The following RAP1GAP2 variants were observed in gnomAD, a reference collection of about 807,000 sequenced individuals.
The protein encoded by RAP1GAP2 is rap1 GTPase-activating protein 2.
RAP1GAP2 carries 27 observed loss-of-function variants against 95.0 expected under a neutral mutation model. The observed-to-expected ratio is 0.28, with a 90% CI of 0.21 to 0.39. RAP1GAP2 has a LOEUF of 0.39. Ranked by LOEUF, RAP1GAP2 falls within the 10% of genes least tolerant of loss-of-function variation. RAP1GAP2 has a pLI of 1.00. For synonymous variants in RAP1GAP2, 373 were observed against 380.9 expected (o/e 0.98, Z 0.24); for missense variants, 771 against 970.0 (o/e 0.79, Z 2.72).
intron 19 of RAP1GAP2, among the ~76,000 whole-genome samples, chr17:3,022,706 T>C (rs944834249): frequency 6.6e-6 from 1 of 152,242 alleles, no homozygotes; most frequent in African/African-American, 2.4e-5. Flanking sequence ...GTTGATTGTT[T>C]CCTTTGGTGT....
At chr17:2,832,498 C>T (rs534585488) in intron 2 of RAP1GAP2, among the ~76,000 whole-genome samples, 27 of 143,028 alleles carry the variant, frequency 1.9e-4, no homozygotes, top group Non-Finnish European at 3.1e-4. Flanking sequence ...GTGGAGGTTG[C>T]AGTGAGCCGA....
intron 2 of RAP1GAP2, among the ~76,000 whole-genome samples, chr17:2,872,901 C>T (rs1055737105): frequency 5.9e-5 from 9 of 151,920 alleles, no homozygotes; most frequent in African/African-American, 1.9e-4. Context: ...TGGGCTCAAG[C>T]GATCCTCCAA....
intron 3 of RAP1GAP2, among the ~76,000 whole-genome samples, chr17:2,945,165 G>A (rs1304593313): frequency 2.0e-5 from 3 of 152,184 alleles, no homozygotes; most frequent in Non-Finnish European, 4.4e-5. Flanking sequence ...GTGAGCCACC[G>A]TGCCCAGCCT....
At chr17:2,758,072 T>TCTCTTTAGTAGAGACGGG (rs1833727810) in intron 1 of RAP1GAP2, among the ~76,000 whole-genome samples, 1 of 150,292 alleles carries the variant, frequency 6.7e-6, no homozygotes, top group Non-Finnish European at 1.5e-5. Flanking sequence ...GGTTTCACCA[T>TCTCTTTAGTAGAGACGGG]GTTAGCCCGG....
chr17:2,899,710 C>T (rs1214654344), intron 2 of RAP1GAP2, among the ~76,000 whole-genome samples: 1 of 152,014 alleles, frequency 6.6e-6, no homozygotes, highest in Non-Finnish European at 1.5e-5. Flanking sequence ...GGGGTTTCGC[C>T]ATGTTAGCCA....
At chr17:2,779,666 C>T (rs974608244) in intron 1 of RAP1GAP2, among the ~76,000 whole-genome samples, 1 of 127,250 alleles carries the variant, frequency 7.9e-6, no homozygotes, top group African/African-American at 2.6e-5. Context: ...GGGGAGAGGA[C>T]AGCTCAGAAG....
At chr17:2,947,615 C>T (rs746341853) in intron 3 of RAP1GAP2, among the ~76,000 whole-genome samples, 13 of 152,164 alleles carry the variant, frequency 8.5e-5, no homozygotes, top group Non-Finnish European at 1.3e-4. Flanking sequence ...TCACAGCAAA[C>T]GAAGAGCTCT....
chr17:2,847,764 T>C (rs796778927), intron 2 of RAP1GAP2, among the ~76,000 whole-genome samples: 18 of 151,992 alleles, frequency 1.2e-4, no homozygotes, highest in South Asian at 2.1e-4. Context: ...CGGGGGACCT[T>C]GGGTTGGAGA....
intron 8 of RAP1GAP2, among the ~76,000 whole-genome samples, chr17:2,978,969 G>A (rs545734084): frequency 4.5e-5 from 5 of 111,648 alleles, no homozygotes; most frequent in Non-Finnish European, 1.0e-4. Flanking sequence ...CAACAAGAGC[G>A]AAACTCTGTC....
chr17:2,826,074 A>T (rs1450793943), intron 2 of RAP1GAP2, among the ~76,000 whole-genome samples: 3 of 143,206 alleles, frequency 2.1e-5, no homozygotes, highest in Non-Finnish European at 4.5e-5. Flanking sequence ...TCCTCCTCCC[A>T]GGTTCAAGCG....
chr17:2,818,608 G>A (rs2070144867), intron 2 of RAP1GAP2, among the ~76,000 whole-genome samples: 1 of 152,124 alleles, frequency 6.6e-6, no homozygotes, highest in South Asian at 2.1e-4. Flanking sequence ...GATTGCAGGT[G>A]TGAGCCACCG....
chr17:2,794,590 C>T (rs1241365780), upstream of RAP1GAP2, among the ~76,000 whole-genome samples: 3 of 152,324 alleles, frequency 2.0e-5, no homozygotes, highest in South Asian at 2.1e-4. Flanking sequence ...GACTAGCTGC[C>T]TTGGAGGTAG....
intron 2 of RAP1GAP2, among the ~76,000 whole-genome samples, chr17:2,845,725 G>T (rs1247813602): frequency 1.3e-5 from 2 of 151,890 alleles, no homozygotes; most frequent in African/African-American, 4.8e-5. Flanking sequence ...GTTGGGCGTG[G>T]TGGTAGGCGC....
intron 3 of RAP1GAP2, among the ~76,000 whole-genome samples, chr17:2,925,177 G>A (rs1223785643): frequency 6.6e-6 from 1 of 152,108 alleles, no homozygotes; most frequent in African/African-American, 2.4e-5. Context: ...TGTGATCTCT[G>A]TTCTTTGAAG....
chr17:2,769,064 A>C (rs1296772296), intron 1 of RAP1GAP2, among the ~76,000 whole-genome samples: 1 of 151,638 alleles, frequency 6.6e-6, no homozygotes, highest in African/African-American at 2.4e-5. Flanking sequence ...CTGTCTCTAC[A>C]AAAAATTTAA....
chr17:2,777,300 G>A (rs1276354619), intron 1 of RAP1GAP2: 1 of 152,384 alleles, frequency 6.6e-6, no homozygotes, highest in African/African-American at 2.4e-5. Flanking sequence ...ACAGGTGGTG[G>A]TAGAAGGAAA....
intron 2 of RAP1GAP2, among the ~76,000 whole-genome samples, chr17:2,771,425 G>A (rs934724510): frequency 6.6e-6 from 1 of 150,938 alleles, no homozygotes; most frequent in African/African-American, 2.4e-5. Flanking sequence ...GCTTCCCAAG[G>A]CCTCTGCCAC....
chr17:2,832,324 C>T (rs1332026454), intron 2 of RAP1GAP2, among the ~76,000 whole-genome samples: 2 of 151,358 alleles, frequency 1.3e-5, no homozygotes, highest in Admixed American at 6.6e-5. Context: ...TTTGGGAGGC[C>T]AAGGTGGGTG....
intron 2 of RAP1GAP2, among the ~76,000 whole-genome samples, chr17:2,868,516 A>ATTTTTTTTTTTTTTTT (rs71153307): frequency 4.2e-4 from 51 of 122,800 alleles, no homozygotes; most frequent in African/African-American, 1.4e-3. Context: ...ACCAGGTGCA[A>ATTTTTTTTTTTTTTTT]TTTTTTTTTT....
Sources: gnomAD v4.1 joint callset for allele counts (sites outside exome capture counted in the v4.1 genomes callset) on GRCh38, gnomAD v4.1.1 for gene constraint, MANE v1.5 for transcripts, NCBI Gene and HGNC (gene_info 2026-07-23, HGNC 2026-07-21) for gene names.